Variants in SNX29 observed in about 807,000 individuals in gnomAD.
The protein encoded by SNX29 is sorting nexin-29.
A neutral mutation model predicts 102.1 loss-of-function variants in SNX29; 78 were observed. The ratio of observed to expected loss-of-function variants is 0.76; its 90% CI spans 0.64 to 0.92. The LOEUF (loss-of-function observed/expected upper bound fraction) is 0.92. Ranked by LOEUF, SNX29 falls within the 40% of genes least tolerant of loss-of-function variation. The pLI is 0.00. For missense variants in SNX29, 1,280 were observed against 1,061.7 expected (o/e 1.21, Z -2.86); for synonymous variants, 580 against 414.5 (o/e 1.40, Z -4.85).
intron 16 of SNX29, among the ~76,000 whole-genome samples, chr16:12,362,391 C>T (rs2082325340): frequency 6.6e-6 from 1 of 152,196 alleles, no homozygotes; most frequent in African/African-American, 2.4e-5. Context: ...TGACCACCTC[C>T]TCCCAGCCTC....
chr16:11,985,243 C>T (rs563296242), intron 1 of SNX29, among the ~76,000 whole-genome samples: 48 of 152,214 alleles, frequency 3.2e-4, no homozygotes, highest in African/African-American at 9.4e-4. Flanking sequence ...CAACATTCAG[C>T]AAACATTGGA....
chr16:12,435,537 C>T (rs1430224665), intron 18 of SNX29, among the ~76,000 whole-genome samples: 2 of 152,160 alleles, frequency 1.3e-5, no homozygotes, highest in East Asian at 1.9e-4. Context: ...TTTATGAATC[C>T]TTCTAGACAT....
At chr16:12,063,193 C>CA (rs2050852294) in intron 9 of SNX29, among the ~76,000 whole-genome samples, 1 of 151,986 alleles carries the variant, frequency 6.6e-6, no homozygotes, top group Non-Finnish European at 1.5e-5. Flanking sequence ...AGGTGCCAGG[C>CA]ACATGCCAAG....
intron 14 of SNX29, among the ~76,000 whole-genome samples, chr16:12,267,276 G>A (rs2078957155): frequency 6.6e-6 from 1 of 152,106 alleles, no homozygotes; most frequent in Non-Finnish European, 1.5e-5. Context: ...GTGGCATGCA[G>A]GGGAGTAGGC....
At chr16:12,430,679 A>G (rs2085273532) in intron 18 of SNX29, among the ~76,000 whole-genome samples, 1 of 152,232 alleles carries the variant, frequency 6.6e-6, no homozygotes, top group Non-Finnish European at 1.5e-5. Context: ...AATACATGAC[A>G]GGCTTTATTG....
chr16:12,566,202 G>A (rs1221328093), intron 20 of SNX29, among the ~76,000 whole-genome samples: 1 of 152,210 alleles, frequency 6.6e-6, no homozygotes, highest in Admixed American at 6.5e-5. Flanking sequence ...TACCACCACA[G>A]TACTAGGATA....
chr16:12,421,935 C>CCATCACCAT (rs1226897288), intron 18 of SNX29, among the ~76,000 whole-genome samples: 792 of 63,544 alleles, frequency 0.012, 9 homozygotes, highest in African/African-American at 0.027. Flanking sequence ...CATCATCCGT[C>CCATCACCAT]CATCATCCAT....
At chr16:12,319,213 A>G (rs9938588) in intron 15 of SNX29, among the ~76,000 whole-genome samples, 8,626 of 152,286 alleles carry the variant, frequency 0.057, 830 homozygotes, top group African/African-American at 0.2. Context: ...GTCAGTGCTG[A>G]CACAATTGTT....
chr16:12,257,279 GTCTTCTGCCATCCCTC>G (rs909875481), intron 14 of SNX29, among the ~76,000 whole-genome samples: 2 of 152,168 alleles, frequency 1.3e-5, no homozygotes, highest in African/African-American at 4.8e-5. Context: ...CTCTGTGGTT[GTCTTCTGCCATCCCTC>G]TCTTCTGCTT....
Position 12,436,691 on chromosome 16 carries a change from G to C in SNX29, c.2037+33162G>C, listed in dbSNP as rs570591041. 2.2e-4 allele frequency among the ~76,000 whole-genome samples: 34 copies of C among 152,364 alleles called. No individual in the cohort carries two copies. The South Asian group carries it at 6.6e-3, about 30-fold the overall frequency. Reference sequence around the variant, plus strand: ...TTTGGCTGTGTCCTTTTGAGACACAGTGTTGCCCTGTGGCCCAGGCTGGAG... The same window carrying C: ...TTTGGCTGTGTCCTTTTGAGACACACTGTTGCCCTGTGGCCCAGGCTGGAG... On this transcript the variant is annotated intron_variant, in intron 18 of 20. Transcript: ENST00000566228.
intron 20 of SNX29, among the ~76,000 whole-genome samples, chr16:12,559,291 G>C (rs1049773647): frequency 2.6e-5 from 4 of 151,958 alleles, no homozygotes; most frequent in Non-Finnish European, 4.4e-5. Flanking sequence ...ACTGCATTCT[G>C]AAAGGCATGC....
At chr16:11,979,092 T>A (rs1031359559) in intron 1 of SNX29, among the ~76,000 whole-genome samples, 2 of 151,380 alleles carry the variant, frequency 1.3e-5, no homozygotes, top group Admixed American at 1.3e-4. Context: ...CTGGCCAACA[T>A]GGTGAAATCC....
Position 12,154,337 on chromosome 16 carries a change from C to G in SNX29, c.1595+24579C>G, listed in dbSNP as rs540371697. ...GGCTTTTCTAGGGCAGGCTGTCCCCCGTTCTGAGACCCCCCACAGTGGGAG... is the reference window on the plus strand; with the variant it reads ...GGCTTTTCTAGGGCAGGCTGTCCCCGGTTCTGAGACCCCCCACAGTGGGAG... On this transcript the variant is annotated intron_variant, in intron 13 of 20. Coordinates refer to ENST00000566228, the MANE Select transcript of SNX29 (RefSeq NM_032167.5). Among the ~76,000 whole-genome samples the G allele has an allele frequency of 4.8e-5, 7 of 144,714 alleles. 1 individual carries two copies. The highest frequency in any genetic ancestry group is 7.2e-3 in the Middle Eastern group (2 of 278). 94.9% of individuals were successfully genotyped at this position (144,714 alleles called of 152,430 possible). A position where few individuals can be genotyped will look rare whatever the true frequency, so the allele number is the denominator to read the frequency against.
chr16:12,543,056 C>G (rs960758156), intron 20 of SNX29, among the ~76,000 whole-genome samples: 2 of 152,138 alleles, frequency 1.3e-5, no homozygotes, highest in African/African-American at 2.4e-5. Flanking sequence ...TCACCAGGAC[C>G]CTGTTGGTTT....
At chr16:12,326,174 A>G (rs1204618667) in intron 15 of SNX29, among the ~76,000 whole-genome samples, 3 of 151,570 alleles carry the variant, frequency 2.0e-5, no homozygotes, top group African/African-American at 4.8e-5. Flanking sequence ...ACGTCTGGCT[A>G]ATTTTTGTAT....
At chr16:12,121,755 G>A (rs1446468491) in intron 11 of SNX29, among the ~76,000 whole-genome samples, 2 of 152,176 alleles carry the variant, frequency 1.3e-5, no homozygotes, top group Admixed American at 6.5e-5. Context: ...GGGGTCCTGG[G>A]CCCAGTTTAG....
At chr16:12,368,643 T>G (rs935954130) in intron 16 of SNX29, among the ~76,000 whole-genome samples, 2 of 152,220 alleles carry the variant, frequency 1.3e-5, no homozygotes, top group African/African-American at 2.4e-5. Flanking sequence ...TGGATAATGC[T>G]GAGATCTTTC....
At chr16:12,555,158 G>C (rs189710061) in intron 20 of SNX29, among the ~76,000 whole-genome samples, 3 of 151,834 alleles carry the variant, frequency 2.0e-5, no homozygotes, top group Non-Finnish European at 4.4e-5. Flanking sequence ...GGAGTGACAG[G>C]GTCTGGCATC....
rs2288427 is a variant in SNX29, at chr16:12,568,777, C to G, written c.*148C>G. The G allele has an allele frequency of 9.5e-3, 11,661 of 1,223,058 alleles. 213 individuals are homozygous for G. The highest frequency in any genetic ancestry group is 0.056 in the Admixed American group (2,105 of 37,808). 75.8% of individuals were successfully genotyped at this position (1,223,058 alleles called of 1,614,324 possible). ...GATTCCCAACAGTTACACAACACCCCGATTAAACTAATCAGTCTTCGAGCC... is the reference window on the plus strand; with the variant it reads ...GATTCCCAACAGTTACACAACACCCGGATTAAACTAATCAGTCTTCGAGCC... On this transcript the variant is annotated 3_prime_UTR_variant, in exon 21 of 21. Coordinates refer to ENST00000566228, the MANE Select transcript of SNX29 (RefSeq NM_032167.5).
Sources: allele counts gnomAD v4.1 joint callset (sites outside exome capture counted in the v4.1 genomes callset), GRCh38; gene constraint gnomAD v4.1.1; transcripts MANE v1.5; gene names NCBI Gene and HGNC (gene_info 2026-07-23, HGNC 2026-07-21).